DBI: variants seen among roughly 807,000 people sequenced by gnomAD.
DBI encodes the protein diazepam binding inhibitor, acyl-CoA binding protein, also known as acyl-CoA-binding protein.
DBI carries 12 observed loss-of-function variants against 13.0 expected under a neutral mutation model. That is an observed-to-expected ratio of 0.92 (90% CI 0.59 to 1.49). The LOEUF (loss-of-function observed/expected upper bound fraction) is 1.49, where lower values mean the gene tolerates loss of function less well. Among genes scored for constraint, DBI ranks in the 40% most tolerant of loss-of-function variants. DBI has a pLI of 0.00. For synonymous variants in DBI, 37 were observed against 37.4 expected (o/e 0.99, Z 0.04); for missense variants, 95 against 104.8 (o/e 0.91, Z 0.41).
intron 3 of DBI, among the ~76,000 whole-genome samples, chr2:119,371,187 G>C (rs1573728796): frequency 6.6e-6 from 1 of 152,288 alleles, no homozygotes; most frequent in East Asian, 1.9e-4. Context: ...GCCCTCCCCA[G>C]TTCCTTCCTA....
intron 1 of DBI, 44 bp from the exon 2 acceptor site, chr2:119,368,144 C>T (rs1329716634): frequency 1.9e-6 from 3 of 1,557,512 alleles, no homozygotes; most frequent in Admixed American, 1.7e-5. Flanking sequence ...TACCCTCTCC[C>T]ACCCAGAGGA....
At chr2:119,372,016 C>T (rs563538402) in intron 3 of DBI, among the ~76,000 whole-genome samples, 21 of 152,328 alleles carry the variant, frequency 1.4e-4, no homozygotes, top group African/African-American at 5.1e-4. Context: ...AGCAGATGGG[C>T]GACAGATCTT....
chr2:119,367,081 G>A (rs1442499185), intron 1 of DBI, 21 bp downstream of exon 1: 2 of 1,613,668 alleles, frequency 1.2e-6, no homozygotes, highest in Non-Finnish European at 1.7e-6. Flanking sequence ...TGCACAGCCA[G>A]GCTGCGAAGG....
At chr2:119,371,654 C>T (rs1681525086) in intron 3 of DBI, among the ~76,000 whole-genome samples, 1 of 152,238 alleles carries the variant, frequency 6.6e-6, no homozygotes, top group African/African-American at 2.4e-5. Context: ...GTCACTGTCT[C>T]TGAGGGATAC....
intron 2 of DBI, 50 bp from the exon 3 acceptor site, chr2:119,370,690 C>G (rs1573726736): frequency 6.5e-7 from 1 of 1,541,416 alleles, no homozygotes; most frequent in East Asian, 2.3e-5. Context: ...TGATCAAGTT[C>G]TCCATTAGAA....
At chr2:119,368,086 C>T in intron 1 of DBI, 102 bp from the exon 2 acceptor site, 13 of 1,478,844 alleles carry the variant, frequency 8.8e-6, no homozygotes, top group Non-Finnish European at 1.2e-5. Context: ...ACCTTTCCCA[C>T]CTCTCCATCC....
rs540185851 is a variant in DBI, at chr2:119,368,416, A to T, written c.127+111A>T. 1.0e-5 allele frequency: 8 copies of T among 782,756 alleles called. No individual in the cohort carries two copies. The African/African-American group carries it at 1.4e-4, about 13-fold the overall frequency. The allele number at this position is 782,756 out of a possible 1,614,324, so 48.5% of individuals were successfully genotyped here. ...CAAACTGCCTGAGGCCCTACTCTTC[A>T]GGTGGGGTATGGTGATGGTTCCTGA... On this transcript the variant is annotated intron_variant, in intron 2 of 3. Coordinates refer to ENST00000355857, the MANE Select transcript of DBI (RefSeq NM_001079862.4).
Position 119,366,977 on chromosome 2 carries a change from A to G in DBI, c.-75A>G. Reference sequence around the variant, plus strand: ...GACCGCGCCTCTAAAGGCGCTTGCCAGTGCAATCTGGGCGATCGCTTCCTG... The same window carrying G: ...GACCGCGCCTCTAAAGGCGCTTGCCGGTGCAATCTGGGCGATCGCTTCCTG... On this transcript the variant is annotated 5_prime_UTR_variant, in exon 1 of 4. Coordinates refer to ENST00000355857, the MANE Select transcript of DBI (RefSeq NM_001079862.4). 1 of 1,597,702 alleles carries G rather than the reference A, an allele frequency of 6.3e-7. No homozygotes were observed. The highest frequency in any genetic ancestry group is 8.6e-7 in the Non-Finnish European group (1 of 1,166,572).
chr2:119,368,053 G>T, intron 1 of DBI, 135 bp from the exon 2 acceptor site: 1 of 1,529,456 alleles, frequency 6.5e-7, no homozygotes, highest in Non-Finnish European at 9.1e-7. Flanking sequence ...ACACTTCAGG[G>T]GCTGCATTGC....
intron 1 of DBI, chr2:119,367,504 G>C (rs952697055): frequency 3.7e-6 from 6 of 1,601,574 alleles, no homozygotes; most frequent in Non-Finnish European, 8.5e-7. Flanking sequence ...AGTGCGGGAC[G>C]AGGAGAATCG....
chr2:119,370,764 C>T lies in DBI; in HGVS notation c.152C>T (p.Thr51Met), dbSNP rs151314613. ...GAACGGCCCGGGATGTTGGACTTCA[C>T]GGGCAAGGCCAAGTGGGATGCCTGG... ...NTERPGMLDF[T>M]GKAKWDAWNE... Residue 51 changes from threonine to methionine, a missense_variant, in exon 3 of 4, where the codon ACG becomes ATG. Thr to Met is a moderately conservative substitution (Grantham distance 81). Coordinates refer to ENST00000355857, the MANE Select transcript of DBI (RefSeq NM_001079862.4). The T allele has an allele frequency of 1.3e-4, 213 of 1,613,718 alleles. No individual in the cohort carries two copies. The highest frequency in any genetic ancestry group is 1.6e-4 in the Non-Finnish European group (191 of 1,179,854).
intron 2 of DBI, 102 bp downstream of exon 2, chr2:119,368,407 C>CCACCTGAAGAG: frequency 1.2e-6 from 1 of 832,628 alleles, no homozygotes; most frequent in Non-Finnish European, 2.1e-6. Context: ...GCCTGAGGCC[C>CCACCTGAAGAG]TACTCTTCAG....
At position 119,368,461 on chromosome 2, in the gene DBI, C is replaced by T. The variant is rs75646936; in HGVS notation, c.127+156C>T. 3,210 of 642,382 alleles carry T rather than the reference C, an allele frequency of 5.0e-3. 64 individuals are homozygous for T. The highest frequency in any genetic ancestry group is 0.048 in the African/African-American group (2,642 of 55,472). The allele number at this position is 642,382 out of a possible 1,614,324, so 39.8% of individuals were successfully genotyped here. On this transcript the variant is annotated intron_variant, in intron 2 of 3. Coordinates refer to ENST00000355857, the MANE Select transcript of DBI (RefSeq NM_001079862.4). ...TCCTGAGGTGGAAAAGACCATGTTC[C>T]GGATTCTCAGTGTCTCCAGTAGTAA...
At position 119,366,987 on chromosome 2, in the gene DBI, G is replaced by A. The variant is rs1250190931; in HGVS notation, c.-65G>A. ...CTAAAGGCGCTTGCCAGTGCAATCT[G>A]GGCGATCGCTTCCTGGTCCTCGCCT... On this transcript the variant is annotated 5_prime_UTR_variant, in exon 1 of 4. Coordinates refer to ENST00000355857, the MANE Select transcript of DBI (RefSeq NM_001079862.4). 3 of 1,607,064 alleles carry A rather than the reference G, an allele frequency of 1.9e-6. No homozygotes were observed. Among genetic ancestry groups the A allele is most frequent in the Non-Finnish European group, 2.6e-6 (3 of 1,174,490 alleles).
At chr2:119,372,194 G>A (rs768833942) in intron 3 of DBI, 51 bp from the exon 4 acceptor site, 9 of 1,449,134 alleles carry the variant, frequency 6.2e-6, no homozygotes, top group Non-Finnish European at 6.8e-6. Flanking sequence ...GAGGCTGCTT[G>A]TTTCCTACCA....
chr2:119,369,173 G>A (rs3769664), intron 2 of DBI, among the ~76,000 whole-genome samples: 26,233 of 152,064 alleles, frequency 0.17, 2,423 homozygotes, highest in East Asian at 0.23. Flanking sequence ...GTCTTATGGC[G>A]AAGGTGAGTT....
chr2:119,372,292 G>T lies in DBI; in HGVS notation c.238G>T (p.Glu80Ter). 6.2e-7 allele frequency: 1 copy of T among 1,613,556 alleles called. No homozygotes were observed. Among genetic ancestry groups the T allele is most frequent in the Non-Finnish European group, 8.5e-7 (1 of 1,179,568 alleles). Residue 80 changes from glutamate to a stop codon, truncating the protein, a stop_gained, in exon 4 of 4, where the codon GAG (glutamate) becomes TAG (stop). Transcript: ENST00000355857. LOFTEE classifies it high-confidence loss of function. Reference protein sequence around the residue: ...AMKAYINKVEELKKKYGI With the variant: ...AMKAYINKVE ...GAAAGCTTACATCAACAAAGTAGAA[G>T]AGCTAAAGAAAAAATACGGGATATG...
Position 119,367,021 on chromosome 2 carries a change from G to A in DBI, c.-31G>A, listed in dbSNP as rs950050010. On this transcript the variant is annotated 5_prime_UTR_variant, in exon 1 of 4. Coordinates refer to ENST00000355857, the MANE Select transcript of DBI (RefSeq NM_001079862.4). ...CTTCCTGGTCCTCGCCTCCTCCGCT[G>A]TCTCCCTGGAGTTCTTGCAAGTCGG... 6.2e-7 allele frequency: 1 copy of A among 1,613,992 alleles called. No homozygotes were observed. Among genetic ancestry groups the A allele is most frequent in the African/African-American group, 1.3e-5 (1 of 75,064 alleles).
intron 3 of DBI, 61 bp from the exon 4 acceptor site, chr2:119,372,184 G>A: frequency 7.8e-7 from 1 of 1,278,680 alleles, no homozygotes; most frequent in South Asian, 1.2e-5. Flanking sequence ...TGGGGCTCTG[G>A]AGGCTGCTTG....
Sources: gnomAD v4.1 joint callset for allele counts (sites outside exome capture counted in the v4.1 genomes callset) on GRCh38, gnomAD v4.1.1 for gene constraint, MANE v1.5 for transcripts, NCBI Gene and HGNC (gene_info 2026-07-23, HGNC 2026-07-21) for gene names.